The following TTC21B variants were observed in gnomAD, a reference collection of about 807,000 sequenced individuals.
TTC21B encodes tetratricopeptide repeat protein 21B.
TTC21B carries 127 observed loss-of-function variants against 175.1 expected under a neutral mutation model. That is an observed-to-expected ratio of 0.73 (90% CI 0.63 to 0.84). The LOEUF is 0.84. Ranked by LOEUF, TTC21B falls within the 40% of genes least tolerant of loss-of-function variation. The probability of loss-of-function intolerance (pLI) is 0.00; values close to 1 mark genes in which losing one functional copy is unlikely to be tolerated. For missense variants in TTC21B, 1,561 were observed against 1,558.3 expected (o/e 1.00, Z -0.03); for synonymous variants, 524 against 524.5 (o/e 1.00, Z 0.01).
At position 165,924,348 on chromosome 2, in the gene TTC21B, C is replaced by A. The variant is rs111404978; in HGVS notation, c.1516+201G>T. Among the ~76,000 whole-genome samples, 1,821 of 152,138 alleles carry A rather than the reference C, an allele frequency of 0.012. 38 individuals carry two copies. The highest frequency in any genetic ancestry group is 0.042 in the African/African-American group (1,727 of 41,498). On this transcript the variant is annotated intron_variant, in intron 12 of 28. Coordinates refer to ENST00000243344, the MANE Select transcript of TTC21B (RefSeq NM_024753.5). ...CATTTTCCCAGCAATTCGCTTAAGC[C>A]ACACAAGTTTATAGTAATTTTTAAA...
At chr2:165,930,577 A>C (rs186555142) in intron 8 of TTC21B, among the ~76,000 whole-genome samples, 1 of 152,112 alleles carries the variant, frequency 6.6e-6, no homozygotes, top group Non-Finnish European at 1.5e-5. Flanking sequence ...TATCCTAATG[A>C]ATATAATGCT....
intron 11 of TTC21B, among the ~76,000 whole-genome samples, chr2:165,927,768 A>G (rs1686733120): frequency 6.6e-6 from 1 of 152,142 alleles, no homozygotes; most frequent in Non-Finnish European, 1.5e-5. Flanking sequence ...GTTTAAGTTT[A>G]AAAAATAAAT....
rs1559056633 is a variant in TTC21B at position 165,915,340 on chromosome 2, G to A, written c.1999C>T (p.Gln667Ter). 1 of 1,613,880 alleles carries A rather than the reference G, an allele frequency of 6.2e-7. No homozygotes were observed. The highest frequency in any genetic ancestry group is 8.5e-7 in the Non-Finnish European group (1 of 1,179,940). The change falls in exon 15 of 29, where the codon CAA becomes TAA. Residue 667 changes from glutamine (Q) to a stop codon, truncating the protein, a stop_gained. Coordinates refer to ENST00000243344, the MANE Select transcript of TTC21B (RefSeq NM_024753.5). LOFTEE classifies it high-confidence loss of function. Reference protein sequence around the residue: ...TIANADLALAQGDIERALSIL... With the variant: ...TIANADLALA ...CTTAAAGCCCGTTCAATATCTCCTTGGGCTAGAGCAAGGTCTGCATTAGCA... is the reference window on the plus strand; with the variant it reads ...CTTAAAGCCCGTTCAATATCTCCTTAGGCTAGAGCAAGGTCTGCATTAGCA...
intron 26 of TTC21B, among the ~76,000 whole-genome samples, chr2:165,883,435 TTTC>T (rs1684899237): frequency 6.6e-6 from 1 of 152,204 alleles, no homozygotes; most frequent in African/African-American, 2.4e-5. Flanking sequence ...ATCAAGAGTA[TTTC>T]TTAATGGGAG....
intron 22 of TTC21B, 198 bp downstream of exon 22, chr2:165,898,488 T>C: frequency 1.6e-6 from 1 of 629,364 alleles, no homozygotes; most frequent in Non-Finnish European, 2.9e-6. Context: ...TTTGTGCTCA[T>C]AATTTAAAGT....
intron 18 of TTC21B, among the ~76,000 whole-genome samples, chr2:165,909,780 A>G (rs1308719422): frequency 6.6e-6 from 1 of 152,182 alleles, no homozygotes; most frequent in African/African-American, 2.4e-5. Flanking sequence ...AGACTCATCA[A>G]ATCAATTATG....
rs141470225 is a variant in TTC21B, at chr2:165,936,738, C to G, written c.711-3681G>C. ...GAAACGCAAATTAAAATTAAAATAA[C>G]AATGAGATACCACTACAAACCTATT... On this transcript the variant is annotated intron_variant, in intron 6 of 28. Coordinates refer to ENST00000243344, the MANE Select transcript of TTC21B (RefSeq NM_024753.5). 6.3e-3 allele frequency among the ~76,000 whole-genome samples: 952 copies of G among 152,078 alleles called. 9 individuals carry two copies. Among genetic ancestry groups the G allele is most frequent in the African/African-American group, 0.022 (916 of 41,504 alleles).
intron 8 of TTC21B, among the ~76,000 whole-genome samples, chr2:165,931,450 C>CGT (rs1686902752): frequency 6.6e-6 from 1 of 151,996 alleles, no homozygotes; most frequent in South Asian, 2.1e-4. Flanking sequence ...AAAACAAAAG[C>CGT]TAAGAGCAAT....
chr2:165,929,340 A>C lies in TTC21B; in HGVS notation c.1186-5T>G. On this transcript the variant is annotated splice_polypyrimidine_tract_variant and splice_region_variant and intron_variant, in intron 10 of 28. Coordinates refer to ENST00000243344, the MANE Select transcript of TTC21B (RefSeq NM_024753.5). ...TGCATGTAAATAGATTAATTCCTAG[A>C]AAATAAGTAGTTTTCATAAATTATT... 6.3e-7 allele frequency: 1 copy of C among 1,595,440 alleles called. No homozygotes were observed. Among genetic ancestry groups the C allele is most frequent in the South Asian group, 1.1e-5 (1 of 90,242 alleles).
At chr2:165,930,732 G>GGGGTGTGTGTGTGTGTGTGTGT (rs376602791) in intron 8 of TTC21B, among the ~76,000 whole-genome samples, 2 of 110,918 alleles carry the variant, frequency 1.8e-5, no homozygotes, top group Middle Eastern at 4.4e-3. Context: ...TGGGTATGGG[G>GGGGTGTGTGTGTGTGTGTGTGT]GTGTGTGTGT....
At chr2:165,917,174 TG>T in intron 14 of TTC21B, 82 bp downstream of exon 14, 1 of 1,339,270 alleles carries the variant, frequency 7.5e-7, no homozygotes, top group Non-Finnish European at 1.1e-6. Context: ...CCACCATGCC[TG>T]GGCAGCTTTT....
At chr2:165,905,358 TAAAA>T (rs1430493247) in intron 19 of TTC21B, among the ~76,000 whole-genome samples, 1 of 152,172 alleles carries the variant, frequency 6.6e-6, no homozygotes, top group Admixed American at 6.5e-5. Context: ...TATTAAATGT[TAAAA>T]AAACTATAAT....
intron 16 of TTC21B, 54 bp from the exon 17 acceptor site, chr2:165,912,678 C>CT: frequency 8.0e-7 from 1 of 1,251,274 alleles, no homozygotes; most frequent in Non-Finnish European, 1.2e-6. Flanking sequence ...AACTGGGTCC[C>CT]ATTAAAGGGC....
Position 165,888,440 on chromosome 2 carries a change from C to T in TTC21B, c.3298G>A (p.Ala1100Thr), listed in dbSNP as rs760374016. The part of the protein sequence containing the change: ...STEKQESVQL[A>T]VRTAEKLLKE... The stretch of plus-strand genomic sequence containing the variant: ...AGAAGTTTTTCTGCTGTTCTTACTG[C>T]CAGTTGCACAGATTCTTGCTTCTCA... Residue 1100 changes from alanine to threonine, a missense_variant, in exon 25 of 29, where the codon GCA becomes ACA. Coordinates refer to ENST00000243344, the MANE Select transcript of TTC21B (RefSeq NM_024753.5). 1.2e-6 allele frequency: 2 copies of T among 1,613,734 alleles called. No individual in the cohort carries two copies. The highest frequency in any genetic ancestry group is 2.2e-5 in the East Asian group (1 of 44,806).
At chr2:165,923,812 G>A (rs531440651) in intron 12 of TTC21B, among the ~76,000 whole-genome samples, 51 of 149,408 alleles carry the variant, frequency 3.4e-4, no homozygotes, top group Non-Finnish European at 1.0e-4. Context: ...GTGCAGTGGC[G>A]TGATCCTGGC....
chr2:165,943,355 A>C lies in TTC21B; in HGVS notation c.430-14T>G. 6.3e-7 allele frequency: 1 copy of C among 1,587,400 alleles called. No individual in the cohort carries two copies. Among genetic ancestry groups the C allele is most frequent in the East Asian group, 2.2e-5 (1 of 44,572 alleles). ...CAAAACGTGTCCCTGTAAAATGAAT[A>C]ATTCTATTTTTACTTTTTTAGAAAT... On this transcript the variant is annotated splice_polypyrimidine_tract_variant and intron_variant, in intron 4 of 28. Transcript: ENST00000243344.
chr2:165,927,196 TTATATATATATATATCCTAGTAGTTA>T lies in TTC21B; in HGVS notation c.1386+1913_1386+1938del, dbSNP rs1469051286. 3.1e-3 allele frequency among the ~76,000 whole-genome samples: 166 copies of T among 54,036 alleles called. 8 individuals are homozygous for T. The highest frequency in any genetic ancestry group is 9.5e-3 in the African/African-American group (160 of 16,864). 35.4% of individuals were successfully genotyped at this position (54,036 alleles called of 152,430 possible). ...GTTATATATATATATATCCTAGTAG[TTATATATATATATATCCTAGTAGTTA>T]TATATATATATATATCCTAGTAGTT... On this transcript the variant is annotated intron_variant, in intron 11 of 28. Coordinates refer to ENST00000243344, the MANE Select transcript of TTC21B (RefSeq NM_024753.5).
intron 7 of TTC21B, 145 bp from the exon 8 acceptor site, chr2:165,932,001 TTA>T (rs1343133533): frequency 1.6e-6 from 1 of 643,392 alleles, no homozygotes; most frequent in Non-Finnish European, 2.8e-6. Flanking sequence ...CAATGGATGA[TTA>T]TATGTTATAA....
chr2:165,881,337 C>G (rs564800644), intron 26 of TTC21B, among the ~76,000 whole-genome samples: 1 of 152,066 alleles, frequency 6.6e-6, no homozygotes, highest in Non-Finnish European at 1.5e-5. Flanking sequence ...CTTAATAGCA[C>G]CAAATATCCA....
Sources: gnomAD v4.1 joint callset for allele counts (sites outside exome capture counted in the v4.1 genomes callset) on GRCh38, gnomAD v4.1.1 for gene constraint, MANE v1.5 for transcripts, NCBI Gene and HGNC (gene_info 2026-07-23, HGNC 2026-07-21) for gene names.